Variants in ALG11 observed in about 807,000 individuals in gnomAD.
ALG11 encodes GDP-Man:Man(3)GlcNAc(2)-PP-Dol alpha-1,2-mannosyltransferase.
Under a neutral mutation model 38.8 loss-of-function variants are expected in ALG11, and 26 were observed. The ratio of observed to expected loss-of-function variants is 0.67; its 90% CI spans 0.49 to 0.93. ALG11 has a LOEUF of 0.93. ALG11 is among the 40% of genes least tolerant of loss of function. ALG11 has a pLI of 0.00. For missense variants in ALG11, 535 were observed against 578.8 expected (o/e 0.92, Z 0.78); for synonymous variants, 199 against 211.6 (o/e 0.94, Z 0.52).
Position 52,030,644 on chromosome 13 carries a change from G to A in ALG11, c.*2054G>A, listed in dbSNP as rs372672663. 5.0e-5 allele frequency: 80 copies of A among 1,614,076 alleles called. 1 individual carries two copies. Among genetic ancestry groups the A allele is most frequent in the Non-Finnish European group, 6.8e-5 (80 of 1,180,032 alleles). The stretch of plus-strand genomic sequence containing the variant: ...AGATTTCTTGAAAGAGAAGAGGGAA[G>A]CTGTGGAGGCGAGTAAGCCAAAGGA... On this transcript the variant is annotated 3_prime_UTR_variant, in exon 4 of 4. Coordinates refer to ENST00000521508, the MANE Select transcript of ALG11 (RefSeq NM_001004127.3).
At chr13:52,019,687 T>C (rs1251237725) in intron 2 of ALG11, among the ~76,000 whole-genome samples, 1 of 152,192 alleles carries the variant, frequency 6.6e-6, no homozygotes, top group African/African-American at 2.4e-5. Context: ...ACACCAGTAA[T>C]CCCAGTACTT....
At position 52,029,381 on chromosome 13, in the gene ALG11, A is replaced by G. The variant is rs1193277138; in HGVS notation, c.*791A>G. 3.1e-6 allele frequency: 5 copies of G among 1,614,132 alleles called. No individual in the cohort carries two copies. Among genetic ancestry groups the G allele is most frequent in the Admixed American group, 1.7e-5 (1 of 60,024 alleles). ...GCAGGAAATTTTTAACCTCCTCCAT[A>G]AGAACAAGCAGCCAGTGACAGATCC... On this transcript the variant is annotated 3_prime_UTR_variant, in exon 4 of 4. Coordinates refer to ENST00000521508, the MANE Select transcript of ALG11 (RefSeq NM_001004127.3).
Position 52,024,534 on chromosome 13 carries a change from A to C in ALG11, c.804A>C (p.Leu268=), listed in dbSNP as rs141470932. 1.2e-6 allele frequency: 2 copies of C among 1,614,102 alleles called. No homozygotes were observed. Among genetic ancestry groups the C allele is most frequent in the African/African-American group, 2.7e-5 (2 of 74,936 alleles). Residue 268 remains leucine, a synonymous_variant, in exon 3 of 4, where the codon CTA becomes CTC. Coordinates refer to ENST00000521508, the MANE Select transcript of ALG11 (RefSeq NM_001004127.3). ...SSWTLNHILS[L]WKVGNCTNIV... ...GGACACTAAACCATATTCTCTCACTATGGAAAGTTGGGAATTGCACTAACA... is the reference window on the plus strand; with the variant it reads ...GGACACTAAACCATATTCTCTCACTCTGGAAAGTTGGGAATTGCACTAACA...
At chr13:52,019,412 A>G (rs1036946488) in intron 2 of ALG11, among the ~76,000 whole-genome samples, 35 of 151,902 alleles carry the variant, frequency 2.3e-4, no homozygotes, top group South Asian at 4.2e-4. Flanking sequence ...TAGTAGAGAC[A>G]GGGTTTCACC....
In ALG11 at chr13:52,024,455, T is replaced by C; in HGVS notation, c.725T>C (p.Phe242Ser). Residue 242 changes from phenylalanine to serine, a missense_variant, in exon 3 of 4, where the codon TTT becomes TCT. By Grantham distance (155) the Phe-to-Ser change is radical. Transcript: ENST00000521508. ...VKLIYYYLFAFIYGLVGSCSD... is the reference protein window; with the variant it reads ...VKLIYYYLFASIYGLVGSCSD... Reference sequence around the variant, plus strand: ...CTCATCTACTACTATTTATTTGCTTTTATTTATGGACTTGTTGGTTCTTGC... The same window carrying C: ...CTCATCTACTACTATTTATTTGCTTCTATTTATGGACTTGTTGGTTCTTGC... 3.7e-6 allele frequency: 6 copies of C among 1,614,102 alleles called. No homozygotes were observed. Among genetic ancestry groups the C allele is most frequent in the Non-Finnish European group, 5.1e-6 (6 of 1,179,978 alleles).
rs748408453 is a variant in ALG11, at chr13:52,029,664, A to G, written c.*1074A>G. The G allele has an allele frequency of 1.9e-6, 3 of 1,614,248 alleles. No individual in the cohort carries two copies. The highest frequency in any genetic ancestry group is 2.5e-6 in the Non-Finnish European group (3 of 1,180,044). On this transcript the variant is annotated 3_prime_UTR_variant, in exon 4 of 4. Coordinates refer to ENST00000521508, the MANE Select transcript of ALG11 (RefSeq NM_001004127.3). ...CTGGAAGAAATGGAAAAAATTGAAAATGCCAGAATGATGGAAAGAATGAGC... is the reference window on the plus strand; with the variant it reads ...CTGGAAGAAATGGAAAAAATTGAAAGTGCCAGAATGATGGAAAGAATGAGC...
In ALG11 at chr13:52,029,442, C is replaced by T. The variant is rs1954275441; in HGVS notation, c.*852C>T. On this transcript the variant is annotated 3_prime_UTR_variant, in exon 4 of 4. Transcript: ENST00000521508. ...CCCATGGAAAAGGCCTCTCTCCAAG[C>T]CATGAGCCTGGAAGAGGCAAAGATG... is the stretch of plus-strand genomic sequence containing the variant. The T allele has an allele frequency of 6.2e-7, 1 of 1,614,186 alleles. No individual in the cohort carries two copies. The highest frequency in any genetic ancestry group is 8.5e-7 in the Non-Finnish European group (1 of 1,180,028).
At chr13:52,013,077 C>T (rs932140753) in intron 1 of ALG11, among the ~76,000 whole-genome samples, 9 of 152,008 alleles carry the variant, frequency 5.9e-5, no homozygotes, top group African/African-American at 1.9e-4. Flanking sequence ...AGGAAAAAAC[C>T]CCAGGAATGC....
chr13:52,012,527 T>C, intron 1 of ALG11, 65 bp downstream of exon 1: 1 of 1,611,290 alleles, frequency 6.2e-7, no homozygotes, highest in Admixed American at 1.7e-5. Flanking sequence ...GCCCGTCCAG[T>C]GTAGCTAAAT....
chr13:52,023,783 G>A, intron 2 of ALG11: 1 of 315,562 alleles, frequency 3.2e-6, no homozygotes, highest in East Asian at 6.4e-5. Context: ...TCTCAGGGTA[G>A]GTAGCAGGCT....
chr13:52,029,815 G>A lies in ALG11; in HGVS notation c.*1225G>A, dbSNP rs771226545. ...ACAAAGAACTGACACAGAAACTCCAGGTAGCCTCTGAGAGTGAGGAAGAGG... is the reference window on the plus strand; with the variant it reads ...ACAAAGAACTGACACAGAAACTCCAAGTAGCCTCTGAGAGTGAGGAAGAGG... On this transcript the variant is annotated 3_prime_UTR_variant, in exon 4 of 4. Transcript: ENST00000521508. 70 of 1,614,086 alleles carry A rather than the reference G, an allele frequency of 4.3e-5. No individual in the cohort carries two copies. The highest frequency in any genetic ancestry group is 1.9e-4 in the South Asian group (17 of 91,088).
intron 1 of ALG11, among the ~76,000 whole-genome samples, chr13:52,013,007 T>G (rs1224792094): frequency 6.6e-6 from 1 of 152,220 alleles, no homozygotes; most frequent in African/African-American, 2.4e-5. Flanking sequence ...AAATATTATT[T>G]TATTTGTATT....
At position 52,028,879 on chromosome 13, in the gene ALG11, C is replaced by T. The variant is rs1954268420; in HGVS notation, c.*289C>T. 1 of 1,614,056 alleles carries T rather than the reference C, an allele frequency of 6.2e-7. No homozygotes were observed. Among genetic ancestry groups the T allele is most frequent in the South Asian group, 1.1e-5 (1 of 91,086 alleles). On this transcript the variant is annotated 3_prime_UTR_variant, in exon 4 of 4. Transcript: ENST00000521508. ...AACTAGTGGATTTGCCAAAAAACTA[C>T]CCCTTGAGTGAAAATGAAGATGAGG...
In ALG11 at chr13:52,030,058, G is replaced by T; in HGVS notation, c.*1468G>T. The T allele has an allele frequency of 6.2e-7, 1 of 1,614,208 alleles. No individual in the cohort carries two copies. Among genetic ancestry groups the T allele is most frequent in the South Asian group, 1.1e-5 (1 of 91,086 alleles). ...GACCAGTGGCAGAGGAAGAAATTTT[G>T]TTGAGAGAATTTGAGGAAAGGCAAT... On this transcript the variant is annotated 3_prime_UTR_variant, in exon 4 of 4. Transcript: ENST00000521508.
At chr13:52,026,510 C>G (rs1474310126) in intron 3 of ALG11, among the ~76,000 whole-genome samples, 2 of 152,120 alleles carry the variant, frequency 1.3e-5, no homozygotes, top group African/African-American at 2.4e-5. Context: ...CTGTAGCAGC[C>G]CAGATGGAGG....
intron 2 of ALG11, chr13:52,023,024 C>G (rs983428815): frequency 6.6e-6 from 1 of 152,212 alleles, no homozygotes; most frequent in African/African-American, 2.4e-5. Flanking sequence ...TATTACAAGT[C>G]ATTAAAGAAT....
In ALG11 at chr13:52,024,054, C is replaced by T. The variant is rs759862905; in HGVS notation, c.324C>T (p.Asn108=). ...YVVYTGDVNV[N]GQQILEGAFR... ...TTTATACCGGCGATGTTAATGTCAA[C>T]GGTCAACAGATACTAGAAGGTGCTT... The change falls in exon 3 of 4, where the codon AAC becomes AAT. Residue 108 remains asparagine, a synonymous_variant. Coordinates refer to ENST00000521508, the MANE Select transcript of ALG11 (RefSeq NM_001004127.3). 32 of 1,613,970 alleles carry T rather than the reference C, an allele frequency of 2.0e-5. No homozygotes were observed. The highest frequency in any genetic ancestry group is 4.0e-5 in the African/African-American group (3 of 74,896).
At position 52,033,165 on chromosome 13, in the gene ALG11, T is replaced by TA. The variant is rs1954321892; in HGVS notation, c.*4575_*4576insA. ...TACATGTATTCTATTTTTTTCTGAA[T>TA]GATAGCATGAAAAGTGTCAAAGTGG... On this transcript the variant is annotated 3_prime_UTR_variant, in exon 4 of 4. Transcript: ENST00000521508. 1.2e-5 allele frequency: 2 copies of TA among 167,220 alleles called. No homozygotes were observed. The highest frequency in any genetic ancestry group is 4.1e-4 in the South Asian group (2 of 4,830). 10.4% of individuals were successfully genotyped at this position (167,220 alleles called of 1,614,324 possible).
At position 52,024,792 on chromosome 13, in the gene ALG11, A is replaced by G. The variant is rs768749646; in HGVS notation, c.1062A>G (p.Val354=). The G allele has an allele frequency of 1.2e-6, 2 of 1,614,188 alleles. No homozygotes were observed. The highest frequency in any genetic ancestry group is 2.2e-5 in the South Asian group (2 of 91,072). Residue 354 remains valine, a synonymous_variant, in exon 3 of 4, where the codon GTA becomes GTG. Coordinates refer to ENST00000521508, the MANE Select transcript of ALG11 (RefSeq NM_001004127.3). ...GTAACAAAGATGATGAACTTAGGGT[A>G]AACCAACTGAGAAGGCTGTCTGAGG... The part of the protein sequence containing the change: ...GCRNKDDELR[V]NQLRRLSEDL...
Sources: gnomAD v4.1 joint callset for allele counts (sites outside exome capture counted in the v4.1 genomes callset) on GRCh38, gnomAD v4.1.1 for gene constraint, MANE v1.5 for transcripts, NCBI Gene and HGNC (gene_info 2026-07-23, HGNC 2026-07-21) for gene names.